MID1: variants seen among roughly 807,000 people sequenced by gnomAD.
The protein encoded by MID1 is midline 1.
MID1 carries 7 observed loss-of-function variants against 40.4 expected under a neutral mutation model. The ratio of observed to expected loss-of-function variants is 0.17; its 90% CI spans 0.10 to 0.33. MID1 has a LOEUF of 0.33. Among genes scored for constraint, MID1 ranks in the 10% least tolerant of loss-of-function variants. The pLI, the probability that MID1 is intolerant of heterozygous loss-of-function variation, is 1.00. For synonymous variants in MID1, 229 were observed against 221.2 expected, an observed-to-expected ratio of 1.04 and a Z score of -0.31; for missense variants, 367 against 558.5, an observed-to-expected ratio of 0.66 and a Z score of 3.46.
intron 1 of MID1, among the ~76,000 whole-genome samples, chrX:10,815,187 C>A (rs747860729): frequency 8.9e-6 from 1 of 111,932 alleles, no homozygotes; most frequent in Non-Finnish European, 1.9e-5. Context: ...ACAAATGACA[C>A]CGTGGTAACA....
chrX:10,720,270 A>C (rs1208161705), intron 1 of MID1, among the ~76,000 whole-genome samples: 1 of 111,796 alleles, frequency 8.9e-6, no homozygotes, highest in Non-Finnish European at 1.9e-5. Context: ...CAACCTACAG[A>C]ATGGGAGAAA....
intron 2 of MID1, among the ~76,000 whole-genome samples, chrX:10,539,414 A>C (rs1933382911): frequency 8.9e-6 from 1 of 111,888 alleles, no homozygotes; most frequent in Non-Finnish European, 1.9e-5. Flanking sequence ...TATTGCTTCA[A>C]TCATGTGCTA....
rs1933916490 is a variant in MID1 at position 10,551,717 on chromosome X, C to T, written c.660+15171G>A. Among the ~76,000 whole-genome samples, 3 of 111,956 alleles carry T rather than the reference C, an allele frequency of 2.7e-5. No individual in the cohort carries two copies. In the South Asian group the frequency reaches 1.1e-3, roughly 42 times the overall value. ...AGATATAAAAGAACACAAAATACAG[C>T]CACTGGGCTTGAGAAATTGAAACAC... On this transcript the variant is annotated intron_variant, in intron 2 of 9. Transcript: ENST00000317552.
intron 1 of MID1, among the ~76,000 whole-genome samples, chrX:10,684,027 C>T (rs1308938876): frequency 9.1e-6 from 1 of 109,871 alleles, no homozygotes; most frequent in African/African-American, 3.3e-5. Flanking sequence ...GCCTCGGCCT[C>T]CCAAAATGCT....
chrX:10,598,320 A>T (rs764075153), intron 1 of MID1, among the ~76,000 whole-genome samples: 6 of 112,261 alleles, frequency 5.3e-5, no homozygotes, highest in Non-Finnish European at 9.4e-5. Context: ...AGCTGCTGTT[A>T]TTACAGGTCA....
chrX:10,584,808 G>A (rs891111481), intron 1 of MID1, among the ~76,000 whole-genome samples: 2 of 111,632 alleles, frequency 1.8e-5, no homozygotes, highest in Admixed American at 9.5e-5. Context: ...AGGACGAGCC[G>A]CAGACAAAAC....
At chrX:10,482,435 C>G (rs751493872) in intron 5 of MID1, 45 bp downstream of exon 5, 1 of 1,193,604 alleles carries the variant, frequency 8.4e-7, no homozygotes, top group South Asian at 1.8e-5. Context: ...AGCGCAGATA[C>G]AAGAGCCCAG....
chrX:10,557,885 G>A (rs1021060298), intron 2 of MID1, among the ~76,000 whole-genome samples: 1 of 111,456 alleles, frequency 9.0e-6, no homozygotes, highest in Admixed American at 9.5e-5. Context: ...TGTTGACAGG[G>A]TGGTGGTTTT....
intron 3 of MID1, chrX:10,501,468 C>G: frequency 8.7e-7 from 1 of 1,154,056 alleles, no homozygotes; most frequent in Non-Finnish European, 1.1e-6. Flanking sequence ...CCCCATCAGT[C>G]TTGCCTGTAG....
intron 1 of MID1, among the ~76,000 whole-genome samples, chrX:10,820,334 T>C (rs941116945): frequency 8.9e-6 from 1 of 112,049 alleles, no homozygotes; most frequent in Admixed American, 9.5e-5. Context: ...ATTCAGTCAC[T>C]GGAAATGTGA....
At chrX:10,517,765 A>G (rs1932522637) in intron 3 of MID1, among the ~76,000 whole-genome samples, 2 of 111,318 alleles carry the variant, frequency 1.8e-5, no homozygotes, top group African/African-American at 6.6e-5. Context: ...CTGCTTCCAT[A>G]AACTCAAATG....
intron 1 of MID1, among the ~76,000 whole-genome samples, chrX:10,716,848 G>A (rs1349065031): frequency 8.9e-6 from 1 of 111,858 alleles, no homozygotes; most frequent in Non-Finnish European, 1.9e-5. Context: ...CTGATCTCTC[G>A]GCAGAAACTC....
chrX:10,549,434 G>T (rs1345741734), intron 2 of MID1, among the ~76,000 whole-genome samples: 2 of 113,071 alleles, frequency 1.8e-5, no homozygotes, highest in Non-Finnish European at 3.7e-5. Context: ...TGGCCCATGG[G>T]CCAAATCCGG....
At chrX:10,589,261 C>G (rs987745496) in intron 1 of MID1, among the ~76,000 whole-genome samples, 2 of 111,789 alleles carry the variant, frequency 1.8e-5, no homozygotes. Flanking sequence ...ACTGCCACAC[C>G]GTGGGTGATC....
At position 10,501,617 on chromosome X, in the gene MID1, C is replaced by A. The variant is rs1931548332; in HGVS notation, c.757-5926G>T. 7.1e-6 allele frequency: 7 copies of A among 989,131 alleles called. No individual in the cohort carries two copies. In the Admixed American group the frequency reaches 1.9e-4, roughly 27 times the overall value. 81.5% of individuals were successfully genotyped at this position (989,131 alleles called of 1,213,427 possible). The stretch of plus-strand genomic sequence containing the variant: ...GATGTGAATGTAGAAGCACAACAAT[C>A]ATATCTGGCCTGCCTAGTCCTGAGA... On this transcript the variant is annotated intron_variant, in intron 3 of 9. Coordinates refer to ENST00000317552, the MANE Select transcript of MID1 (RefSeq NM_000381.4).
intron 1 of MID1, among the ~76,000 whole-genome samples, chrX:10,729,465 A>G (rs1346132986): frequency 8.9e-6 from 1 of 112,033 alleles, no homozygotes; most frequent in African/African-American, 3.2e-5. Flanking sequence ...ATATCATTCT[A>G]TGACTTTCTG....
intron 8 of MID1, among the ~76,000 whole-genome samples, chrX:10,458,699 G>A (rs1928837436): frequency 8.9e-6 from 1 of 111,768 alleles, no homozygotes; most frequent in Non-Finnish European, 1.9e-5. Flanking sequence ...TCGTAATTCA[G>A]TGCTCTCTTT....
chrX:10,587,613 C>A (rs950765654), intron 1 of MID1, among the ~76,000 whole-genome samples: 1 of 112,746 alleles, frequency 8.9e-6, no homozygotes, highest in African/African-American at 3.2e-5. Flanking sequence ...CTGCCATGTG[C>A]ACAAGCATAA....
chrX:10,571,555 C>T (rs774775063), intron 1 of MID1, among the ~76,000 whole-genome samples: 6 of 105,562 alleles, frequency 5.7e-5, no homozygotes, highest in African/African-American at 7.0e-5. Context: ...GTACTTGGTC[C>T]TGAGACAAGT....
Sources: gnomAD v4.1 joint callset for allele counts (sites outside exome capture counted in the v4.1 genomes callset) on GRCh38, gnomAD v4.1.1 for gene constraint, MANE v1.5 for transcripts, NCBI Gene and HGNC (gene_info 2026-07-23, HGNC 2026-07-21) for gene names.